The following ACACA variants were observed in gnomAD, a reference collection of about 807,000 sequenced individuals.
ACACA encodes the protein acetyl-CoA carboxylase 1.
In ACACA, 103 loss-of-function variants were observed where a neutral mutation model predicts 296.1. The observed-to-expected ratio is 0.35, with a 90% confidence interval of 0.30 to 0.41. The LOEUF (loss-of-function observed/expected upper bound fraction) is 0.41. Among genes scored for constraint, ACACA ranks in the 10% least tolerant of loss-of-function variants. The probability of loss-of-function intolerance (pLI) is 1.00; values close to 1 mark genes in which losing one functional copy is unlikely to be tolerated. For missense variants in ACACA, 1,554 were observed against 2,989.7 expected, an observed-to-expected ratio of 0.52 and a Z score of 11.20; for synonymous variants, 953 against 1,038.6, an observed-to-expected ratio of 0.92 and a Z score of 1.58.
At position 37,089,215 on chromosome 17, in the gene ACACA, G is replaced by A. The variant is rs985297078; in HGVS notation, c.6892-141C>T. On this transcript the variant is annotated intron_variant, in intron 54 of 55. Transcript: ENST00000616317. ...CTCCTTCACTGTCAGCATCGTGCAGGAGGAGGAAGTAGGCCTCGAGGCAGG... is the reference window on the plus strand; with the variant it reads ...CTCCTTCACTGTCAGCATCGTGCAGAAGGAGGAAGTAGGCCTCGAGGCAGG... 16 of 1,294,900 alleles carry A rather than the reference G, an allele frequency of 1.2e-5. No individual in the cohort carries two copies. In the African/African-American group the frequency reaches 2.2e-4, roughly 18 times the overall value. The allele number at this position is 1,294,900 out of a possible 1,614,324, so 80.2% of individuals were successfully genotyped here. A position where few individuals can be genotyped will look rare whatever the true frequency, so the allele number is the denominator to read the frequency against.
chr17:37,349,517 A>ATG (rs965460655), intron 1 of ACACA, among the ~76,000 whole-genome samples: 8 of 145,952 alleles, frequency 5.5e-5, no homozygotes, highest in South Asian at 2.1e-4. Flanking sequence ...TATCTTACAT[A>ATG]TGTGTGTGTG....
At chr17:37,299,214 C>G (rs1215699604) in intron 3 of ACACA, 2 of 1,467,658 alleles carry the variant, frequency 1.4e-6, no homozygotes, top group Non-Finnish European at 1.9e-6. Context: ...CAGGGCTTAG[C>G]TGTCAGTACC....
At chr17:37,205,713 C>A in intron 33 of ACACA, 52 bp downstream of exon 33, 2 of 1,352,548 alleles carry the variant, frequency 1.5e-6, no homozygotes, top group East Asian at 2.3e-5. Context: ...AGCTATGATA[C>A]ACAGCCAGTA....
intron 28 of ACACA, 92 bp from the exon 29 acceptor site, chr17:37,221,934 G>T: frequency 9.4e-7 from 1 of 1,065,862 alleles, no homozygotes; most frequent in Non-Finnish European, 1.4e-6. Context: ...GGTATCTGAG[G>T]CAGAAGGTGC....
chr17:37,138,014 C>T lies in ACACA; in HGVS notation c.5680-7796G>A, dbSNP rs112174001. 1.8e-3 allele frequency among the ~76,000 whole-genome samples: 273 copies of T among 152,214 alleles called. 1 individual carries two copies. The highest frequency in any genetic ancestry group is 6.1e-3 in the African/African-American group (253 of 41,516). ...CACTGATTTCTCAATTTCTTAGACG[C>T]GCATACTATTTTAGAAGGCTTAAAT... On this transcript the variant is annotated intron_variant, in intron 45 of 55. Transcript: ENST00000616317.
intron 45 of ACACA, among the ~76,000 whole-genome samples, chr17:37,147,184 T>G (rs1446137240): frequency 6.6e-6 from 1 of 152,122 alleles, no homozygotes; most frequent in African/African-American, 2.4e-5. Context: ...CTTGCATGTC[T>G]CCTACATTTC....
At chr17:37,377,022 G>A (rs1568073688) in intron 1 of ACACA, among the ~76,000 whole-genome samples, 2 of 152,120 alleles carry the variant, frequency 1.3e-5, no homozygotes, top group Non-Finnish European at 2.9e-5. Context: ...GGCACAAAGT[G>A]CAGCAGTAAC....
At chr17:37,143,724 C>T (rs1244771492) in intron 45 of ACACA, 10 of 901,294 alleles carry the variant, frequency 1.1e-5, no homozygotes, top group Non-Finnish European at 1.7e-5. Context: ...TCCTCATCCT[C>T]TTCATCTTCC....
intron 41 of ACACA, among the ~76,000 whole-genome samples, chr17:37,175,197 A>C (rs1195284484): frequency 1.3e-5 from 2 of 152,242 alleles, no homozygotes; most frequent in Admixed American, 6.5e-5. Context: ...AAAGAATGCT[A>C]GTAACTTATT....
chr17:37,121,740 C>T (rs2074536919), intron 49 of ACACA, among the ~76,000 whole-genome samples: 1 of 152,160 alleles, frequency 6.6e-6, no homozygotes, highest in Non-Finnish European at 1.5e-5. Context: ...AGAATGCAGT[C>T]CTAAGAACCC....
intron 24 of ACACA, among the ~76,000 whole-genome samples, chr17:37,239,410 T>C (rs1398272523): frequency 6.6e-6 from 1 of 152,196 alleles, no homozygotes; most frequent in Admixed American, 6.5e-5. Context: ...TAAAGCTGAA[T>C]AGAAGTAGTG....
At chr17:37,201,891 G>C (rs547183775) in intron 33 of ACACA, among the ~76,000 whole-genome samples, 25 of 152,200 alleles carry the variant, frequency 1.6e-4, no homozygotes, top group African/African-American at 6.0e-4. Context: ...TTCTGCGATG[G>C]CATTGCTGAG....
intron 35 of ACACA, among the ~76,000 whole-genome samples, chr17:37,199,719 C>A (rs1203846263): frequency 6.6e-6 from 1 of 151,764 alleles, no homozygotes. Flanking sequence ...ACTATAAGCA[C>A]AGAAGAAATT....
intron 25 of ACACA, among the ~76,000 whole-genome samples, chr17:37,229,493 T>C (rs1280506659): frequency 6.6e-6 from 1 of 151,480 alleles, no homozygotes; most frequent in Non-Finnish European, 1.5e-5. Flanking sequence ...TTAGTAGAGA[T>C]GGGGTTTCAC....
At chr17:37,326,170 C>G (rs2047610852) in intron 3 of ACACA, among the ~76,000 whole-genome samples, 1 of 137,700 alleles carries the variant, frequency 7.3e-6, no homozygotes, top group Admixed American at 7.5e-5. Flanking sequence ...GATTGCACCA[C>G]TGTAATTCAG....
Position 37,339,862 on chromosome 17 carries a change from G to GAA in ACACA, c.39-13_39-12insTT. The GAA allele has an allele frequency of 2.8e-6, 3 of 1,080,940 alleles. No individual in the cohort carries two copies. In the South Asian group the frequency reaches 4.1e-5, roughly 15 times the overall value. The allele number at this position is 1,080,940 out of a possible 1,614,324, so 67.0% of individuals were successfully genotyped here. Reference sequence around the variant, plus strand: ...ACTTCCAAAAAGACCTAGAGAGAAAGAGAAAGATTTTAAGGTTTTTTTTTT... The same window carrying GAA: ...ACTTCCAAAAAGACCTAGAGAGAAAGAAAGAAAGATTTTAAGGTTTTTTTTTT... On this transcript the variant is annotated splice_polypyrimidine_tract_variant and intron_variant, in intron 1 of 55. Coordinates refer to ENST00000616317, the MANE Select transcript of ACACA (RefSeq NM_198834.3).
At position 37,330,440 on chromosome 17, in the gene ACACA, A is replaced by G. The variant is rs754872758; in HGVS notation, c.86-15T>C. On this transcript the variant is annotated splice_polypyrimidine_tract_variant and intron_variant, in intron 2 of 55. Coordinates refer to ENST00000616317, the MANE Select transcript of ACACA (RefSeq NM_198834.3). Reference sequence around the variant, plus strand: ...AGCTCTTACAGCTATGGAGAAAATGAAAAGTGAGAAAGGCAGGTTATGAAT... The same window carrying G: ...AGCTCTTACAGCTATGGAGAAAATGGAAAGTGAGAAAGGCAGGTTATGAAT... The G allele has an allele frequency of 6.2e-7, 1 of 1,614,064 alleles. No individual in the cohort carries two copies. The highest frequency in any genetic ancestry group is 1.7e-5 in the Admixed American group (1 of 60,026).
intron 39 of ACACA, among the ~76,000 whole-genome samples, chr17:37,186,795 T>G (rs184554203): frequency 1.1e-4 from 16 of 152,194 alleles, no homozygotes; most frequent in Admixed American, 1.0e-3. Context: ...TTGTACCATG[T>G]GTAATACTAA....
At chr17:37,188,197 G>A in intron 39 of ACACA, 80 bp downstream of exon 39, 2 of 1,340,508 alleles carry the variant, frequency 1.5e-6, no homozygotes, top group South Asian at 2.4e-5. Context: ...ATTTGTGAGT[G>A]TGGGTCTTCT....
Sources: gnomAD v4.1 joint callset for allele counts (sites outside exome capture counted in the v4.1 genomes callset) on GRCh38, gnomAD v4.1.1 for gene constraint, MANE v1.5 for transcripts, NCBI Gene and HGNC (gene_info 2026-07-23, HGNC 2026-07-21) for gene names.